The following FAM227A variants were observed in gnomAD, a reference collection of about 807,000 sequenced individuals.
The protein encoded by FAM227A is family with sequence similarity 227 member A, also known as protein FAM227A.
A neutral mutation model predicts 74.7 loss-of-function variants in FAM227A; 80 were observed. The ratio of observed to expected loss-of-function variants is 1.07; its 90% CI spans 0.89 to 1.29. FAM227A has a LOEUF of 1.29. Ranked by LOEUF, FAM227A falls within the 50% of genes most tolerant of loss-of-function variation. The probability of loss-of-function intolerance (pLI) is 0.00; values close to 1 mark genes in which losing one functional copy is unlikely to be tolerated. For synonymous variants in FAM227A, 237 were observed against 241.8 expected (o/e 0.98, Z 0.19); for missense variants, 654 against 683.4 (o/e 0.96, Z 0.48).
At chr22:38,638,914 G>C (rs1381226619) in intron 4 of FAM227A, 92 bp from the exon 5 acceptor site, 1 of 768,076 alleles carries the variant, frequency 1.3e-6, no homozygotes, top group Non-Finnish European at 2.1e-6. Context: ...CATTCCACTT[G>C]AGCTGCCAGA....
intron 6 of FAM227A, among the ~76,000 whole-genome samples, chr22:38,636,048 G>A (rs1487106082): frequency 6.8e-6 from 1 of 146,654 alleles, no homozygotes; most frequent in East Asian, 2.0e-4. Context: ...GAAAGAGAGA[G>A]AAAGAAGGAA....
rs143168701 is a variant in FAM227A at position 38,629,290 on chromosome 22, T to C, written c.520-355A>G. Among the ~76,000 whole-genome samples, 1,472 of 152,328 alleles carry C rather than the reference T, an allele frequency of 9.7e-3. 13 individuals carry two copies. The highest frequency in any genetic ancestry group is 0.024 in the Middle Eastern group (7 of 294). ...CAGTTAATGGGCAAACATAAACCACTGAACTATAAGATTCTGCTGAGTTAG... is the reference window on the plus strand; with the variant it reads ...CAGTTAATGGGCAAACATAAACCACCGAACTATAAGATTCTGCTGAGTTAG... On this transcript the variant is annotated intron_variant, in intron 6 of 16. Transcript: ENST00000535113.
chr22:38,654,189 A>G (rs1829516701), intron 1 of FAM227A, among the ~76,000 whole-genome samples: 1 of 151,828 alleles, frequency 6.6e-6, no homozygotes. Flanking sequence ...TCCACTAAAA[A>G]TACAAAAAAC....
chr22:38,599,655 G>A (rs1021144128), intron 14 of FAM227A, 109 bp downstream of exon 14: 1 of 1,001,016 alleles, frequency 1.0e-6, no homozygotes, highest in Non-Finnish European at 1.4e-6. Context: ...TACACATGGT[G>A]TGCCAGGCGC....
chr22:38,608,463 C>T (rs564901458), intron 11 of FAM227A, among the ~76,000 whole-genome samples: 23 of 151,962 alleles, frequency 1.5e-4, no homozygotes, highest in Non-Finnish European at 3.2e-4. Context: ...CGGAATCTTG[C>T]TCCGTTGCCT....
chr22:38,596,625 C>T (rs1450706126), intron 15 of FAM227A, among the ~76,000 whole-genome samples: 1 of 152,146 alleles, frequency 6.6e-6, no homozygotes, highest in African/African-American at 2.4e-5. Context: ...GCAAATGGGG[C>T]AAAATGTGAA....
In FAM227A at chr22:38,626,429, G is replaced by T. The variant is rs548864382; in HGVS notation, c.727-126C>A. 4.8e-5 allele frequency: 57 copies of T among 1,177,776 alleles called. No homozygotes were observed. The Admixed American group carries it at 1.6e-3, about 33-fold the overall frequency. 73.0% of individuals were successfully genotyped at this position (1,177,776 alleles called of 1,614,324 possible). A position where few individuals can be genotyped will look rare whatever the true frequency, so the allele number is the denominator to read the frequency against. On this transcript the variant is annotated intron_variant, in intron 8 of 16. Transcript: ENST00000535113. ...GTTGTTGTTGTTGTTTAGAGACAAG[G>T]TTCTCACTGTGTTACCCAGGCTGGA... is the stretch of plus-strand genomic sequence containing the variant.
chr22:38,626,225 C>T lies in FAM227A; in HGVS notation c.805G>A (p.Glu269Lys), dbSNP rs376632432. Residue 269 changes from glutamate (E) to lysine (K), a missense_variant, in exon 9 of 17, where the codon GAA (glutamate) becomes AAA (lysine). By Grantham distance (56) the Glu-to-Lys change is moderately conservative. Transcript: ENST00000535113. ...GTGTTACAGATGTCAGACTTGAATT[C>T]GTGCGTGTCGAACCAGGACTGTGGA... is the stretch of plus-strand genomic sequence containing the variant. Reference protein sequence around the residue: ...CFPQSWFDTHEFKSDICNTMS... With the variant: ...CFPQSWFDTHKFKSDICNTMS... 1.4e-5 allele frequency: 21 copies of T among 1,551,524 alleles called. No homozygotes were observed. The African/African-American group carries it at 2.1e-4, about 15-fold the overall frequency.
chr22:38,597,564 T>C (rs1202613064), intron 14 of FAM227A, among the ~76,000 whole-genome samples: 2 of 152,162 alleles, frequency 1.3e-5, no homozygotes, highest in East Asian at 3.9e-4. Context: ...GAAGAGGCCA[T>C]CCTATCCGTG....
At chr22:38,618,767 G>A (rs1346618783) in intron 11 of FAM227A, among the ~76,000 whole-genome samples, 1 of 152,160 alleles carries the variant, frequency 6.6e-6, no homozygotes, top group Admixed American at 6.6e-5. Context: ...AAAGCCAGAT[G>A]ATAAATATTC....
intron 1 of FAM227A, among the ~76,000 whole-genome samples, chr22:38,651,097 T>C (rs2092315649): frequency 6.6e-6 from 1 of 152,134 alleles, no homozygotes; most frequent in Admixed American, 6.6e-5. Flanking sequence ...GCAGAACTTC[T>C]TCCTGCTCCC....
rs1458329010 is a variant in FAM227A at position 38,591,550 on chromosome 22, A to G, written c.1533-10T>C. The G allele has an allele frequency of 6.5e-7, 1 of 1,532,208 alleles. No individual in the cohort carries two copies. The allele number at this position is 1,532,208 out of a possible 1,614,324, so 94.9% of individuals were successfully genotyped here. A position where few individuals can be genotyped will look rare whatever the true frequency, so the allele number is the denominator to read the frequency against. ...AATATTCTTCATTTCCCTGGGAGGA[A>G]AACACAGAGACATATGGAAAAAGGC... On this transcript the variant is annotated splice_polypyrimidine_tract_variant and intron_variant, in intron 15 of 16. Transcript: ENST00000535113.
chr22:38,583,097 T>A lies in FAM227A; in HGVS notation c.*3028A>T. The A allele has an allele frequency of 1.2e-6, 1 of 816,066 alleles. No individual in the cohort carries two copies. The highest frequency in any genetic ancestry group is 1.9e-6 in the Non-Finnish European group (1 of 522,316). 50.6% of individuals were successfully genotyped at this position (816,066 alleles called of 1,614,324 possible). A position where few individuals can be genotyped will look rare whatever the true frequency, so the allele number is the denominator to read the frequency against. The stretch of plus-strand genomic sequence containing the variant: ...GGGTAGTAAAGGGAAGGTGAGAGAG[T>A]GTTCTGCTTATCTGCCCCACATGGT... On this transcript the variant is annotated 3_prime_UTR_variant, in exon 17 of 17. Coordinates refer to ENST00000535113, the MANE Select transcript of FAM227A (RefSeq NM_001013647.2).
At position 38,580,282 on chromosome 22, in the gene FAM227A, CTTAT is replaced by C. The variant is rs1202870296; in HGVS notation, c.*5839_*5842del. On this transcript the variant is annotated 3_prime_UTR_variant, in exon 17 of 17. Transcript: ENST00000535113. The stretch of plus-strand genomic sequence containing the variant: ...TTCCCCCTCTCTTTTTCCCTTGAAA[CTTAT>C]TTGTTGAAAAAAATGAAGTCATTTG... 4 of 152,246 alleles carry C rather than the reference CTTAT, an allele frequency of 2.6e-5. No individual in the cohort carries two copies. Among genetic ancestry groups the C allele is most frequent in the South Asian group, 4.1e-4 (2 of 4,828 alleles). The allele number at this position is 152,246 out of a possible 1,614,324, so 9.4% of individuals were successfully genotyped here.
intron 13 of FAM227A, among the ~76,000 whole-genome samples, chr22:38,604,955 T>A (rs956959383): frequency 6.6e-6 from 1 of 152,088 alleles, no homozygotes; most frequent in African/African-American, 2.4e-5. Flanking sequence ...ATCCAGCCTT[T>A]ATTTTTTTAT....
rs187283345 is a variant in FAM227A at position 38,594,173 on chromosome 22, G to A, written c.1533-2633C>T. On this transcript the variant is annotated intron_variant, in intron 15 of 16. Coordinates refer to ENST00000535113, the MANE Select transcript of FAM227A (RefSeq NM_001013647.2). ...TGTTGAGACTGCCCTCTACCAAGTCGCCTACCTGTCTCTGCCCCACGTTTT... is the reference window on the plus strand; with the variant it reads ...TGTTGAGACTGCCCTCTACCAAGTCACCTACCTGTCTCTGCCCCACGTTTT... Among the ~76,000 whole-genome samples, 59 of 152,186 alleles carry A rather than the reference G, an allele frequency of 3.9e-4. 1 individual carries two copies. In the Middle Eastern group the frequency reaches 0.014, roughly 35 times the overall value.
chr22:38,640,584 C>T (rs867145926), intron 3 of FAM227A, among the ~76,000 whole-genome samples: 10 of 152,162 alleles, frequency 6.6e-5, no homozygotes, highest in African/African-American at 2.4e-4. Context: ...CAGCAATGAG[C>T]TTGGATAACA....
At chr22:38,598,957 CTTTT>C (rs71197121) in intron 14 of FAM227A, among the ~76,000 whole-genome samples, 3 of 136,264 alleles carry the variant, frequency 2.2e-5, no homozygotes, top group Non-Finnish European at 3.2e-5. Context: ...TGTTTTCTTT[CTTTT>C]TTTTTTTTTT....
At chr22:38,629,133 G>A (rs2091867781) in intron 6 of FAM227A, 198 bp from the exon 7 acceptor site, 5 of 477,488 alleles carry the variant, frequency 1.0e-5, no homozygotes, top group Non-Finnish European at 1.8e-5. Context: ...TGAGGAAACC[G>A]AGGACCAAAG....
Sources: gnomAD v4.1 joint callset for allele counts (sites outside exome capture counted in the v4.1 genomes callset) on GRCh38, gnomAD v4.1.1 for gene constraint, MANE v1.5 for transcripts, NCBI Gene and HGNC (gene_info 2026-07-23, HGNC 2026-07-21) for gene names.